Variants in PHLDB2 observed in about 807,000 individuals in gnomAD.
PHLDB2 encodes the protein pleckstrin homology like domain family B member 2.
PHLDB2 carries 71 observed loss-of-function variants against 123.6 expected under a neutral mutation model. That is an observed-to-expected ratio of 0.57 (90% CI 0.47 to 0.70). The LOEUF is 0.70. PHLDB2 is among the 30% of genes least tolerant of loss of function. The probability of loss-of-function intolerance (pLI) is 0.00; values close to 1 mark genes in which losing one functional copy is unlikely to be tolerated. For missense variants in PHLDB2, 1,446 were observed against 1,519.5 expected, an observed-to-expected ratio of 0.95 and a Z score of 0.80; for synonymous variants, 547 against 541.6, an observed-to-expected ratio of 1.01 and a Z score of -0.14.
intron 1 of PHLDB2, among the ~76,000 whole-genome samples, chr3:111,882,926 C>T (rs1263948015): frequency 2.0e-5 from 3 of 152,184 alleles, no homozygotes; most frequent in Non-Finnish European, 4.4e-5. Flanking sequence ...ATAACCTCTT[C>T]CTTAAACTTG....
intron 10 of PHLDB2, among the ~76,000 whole-genome samples, chr3:111,949,392 T>G (rs2070559861): frequency 6.6e-6 from 1 of 152,226 alleles, no homozygotes; most frequent in African/African-American, 2.4e-5. Flanking sequence ...TCTAAAATTG[T>G]TGATTTGAGT....
At chr3:111,751,204 T>C (rs948619831) in intron 1 of PHLDB2, among the ~76,000 whole-genome samples, 8 of 147,344 alleles carry the variant, frequency 5.4e-5, no homozygotes, top group Admixed American at 4.8e-4. Context: ...TGTGTGTGTG[T>C]GTGCAGACAG....
intron 5 of PHLDB2, among the ~76,000 whole-genome samples, chr3:111,924,965 A>G (rs1420982022): frequency 6.6e-6 from 1 of 151,986 alleles, no homozygotes; most frequent in East Asian, 1.9e-4. Flanking sequence ...AGTAGTTGGG[A>G]TTACAGACTC....
At chr3:111,791,882 T>C (rs183607857) in intron 1 of PHLDB2, among the ~76,000 whole-genome samples, 83 of 152,352 alleles carry the variant, frequency 5.4e-4, no homozygotes, top group African/African-American at 1.9e-3. Flanking sequence ...TTGTTAACTA[T>C]AGTCACCCTA....
At chr3:111,961,273 G>A (rs1227282198) in intron 12 of PHLDB2, among the ~76,000 whole-genome samples, 1 of 152,254 alleles carries the variant, frequency 6.6e-6, no homozygotes, top group African/African-American at 2.4e-5. Flanking sequence ...GGAGGTTGCA[G>A]TGAGCTGAGA....
intron 2 of PHLDB2, among the ~76,000 whole-genome samples, chr3:111,886,241 C>T (rs564176879): frequency 8.3e-4 from 127 of 152,296 alleles, no homozygotes; most frequent in Non-Finnish European, 1.2e-3. Context: ...TACAGCAACA[C>T]AGTAGGATTA....
rs564227596 is a variant in PHLDB2 at position 111,806,737 on chromosome 3, C to T, written c.-48-39084C>T. Among the ~76,000 whole-genome samples, 238 of 152,102 alleles carry T rather than the reference C, an allele frequency of 1.6e-3. 2 individuals are homozygous for T. The highest frequency in any genetic ancestry group is 5.0e-3 in the African/African-American group (206 of 41,512). On this transcript the variant is annotated intron_variant, in intron 1 of 17. Transcript: ENST00000393923. Reference sequence around the variant, plus strand: ...CTGACCTCAGGTGATCCGCCTGCCTCGGCCTCCCAGAGTGCTGGGATTACA... The same window carrying T: ...CTGACCTCAGGTGATCCGCCTGCCTTGGCCTCCCAGAGTGCTGGGATTACA...
At chr3:111,814,511 A>T (rs2061982681) in intron 1 of PHLDB2, among the ~76,000 whole-genome samples, 1 of 152,094 alleles carries the variant, frequency 6.6e-6, no homozygotes, top group Non-Finnish European at 1.5e-5. Flanking sequence ...GCAGTTCTTA[A>T]AATAAGATTG....
chr3:111,928,163 TG>T (rs1397796834), intron 5 of PHLDB2, among the ~76,000 whole-genome samples: 3 of 152,248 alleles, frequency 2.0e-5, no homozygotes, highest in African/African-American at 7.2e-5. Flanking sequence ...TCACAGTTTT[TG>T]TTTGGTTTAC....
At chr3:111,822,978 G>C (rs2062478174) in intron 1 of PHLDB2, among the ~76,000 whole-genome samples, 1 of 152,234 alleles carries the variant, frequency 6.6e-6, no homozygotes, top group Non-Finnish European at 1.5e-5. Context: ...GGCATTGGAG[G>C]CACTAGGCAA....
intron 2 of PHLDB2, among the ~76,000 whole-genome samples, chr3:111,852,147 G>A (rs1274303975): frequency 1.3e-5 from 2 of 151,460 alleles, no homozygotes; most frequent in South Asian, 2.1e-4. Flanking sequence ...CATTCCTCAT[G>A]TTCTGAATCC....
chr3:111,837,468 C>CA (rs984556067), intron 1 of PHLDB2, among the ~76,000 whole-genome samples: 6 of 151,816 alleles, frequency 4.0e-5, no homozygotes, highest in Non-Finnish European at 7.4e-5. Context: ...TCTGTTGTGT[C>CA]AAAAAAAGTG....
chr3:111,808,645 T>C (rs916120785), intron 1 of PHLDB2, among the ~76,000 whole-genome samples: 1 of 152,156 alleles, frequency 6.6e-6, no homozygotes, highest in Non-Finnish European at 1.5e-5. Flanking sequence ...AAGCAATACA[T>C]GTATATCTCA....
At position 111,752,465 on chromosome 3, in the gene PHLDB2, T is replaced by C. The variant is rs552302836; in HGVS notation, c.-49+19762T>C. On this transcript the variant is annotated intron_variant, in intron 1 of 17. Coordinates refer to the PHLDB2 transcript ENST00000393923. ...GACATTTTAGTACATGTAGTTTAAA[T>C]GTCAGAATCAGAGTTTACTAAAAAC... Among the ~76,000 whole-genome samples the C allele has an allele frequency of 4.1e-4, 63 of 152,140 alleles. 1 individual carries two copies. The South Asian group carries it at 0.013, about 32-fold the overall frequency.
At chr3:111,964,906 A>C (rs16858950) in intron 13 of PHLDB2, among the ~76,000 whole-genome samples, 25,313 of 152,178 alleles carry the variant, frequency 0.17, 2,444 homozygotes, top group African/African-American at 0.25. Context: ...CCTGAAACTT[A>C]GTGAAATTCA....
chr3:111,797,009 G>A (rs1246245910), intron 1 of PHLDB2, among the ~76,000 whole-genome samples: 2 of 152,068 alleles, frequency 1.3e-5, no homozygotes, highest in East Asian at 3.8e-4. Context: ...CCCTTTTCTA[G>A]CTCAGGATTA....
At chr3:111,784,165 AGAGCC>A (rs2060592336) in intron 1 of PHLDB2, among the ~76,000 whole-genome samples, 1 of 152,224 alleles carries the variant, frequency 6.6e-6, no homozygotes, top group Admixed American at 6.5e-5. Flanking sequence ...AATAAATATC[AGAGCC>A]GAGAATTCCA....
chr3:111,831,092 C>A (rs918834797), intron 1 of PHLDB2, among the ~76,000 whole-genome samples: 7 of 151,512 alleles, frequency 4.6e-5, no homozygotes, highest in African/African-American at 1.7e-4. Flanking sequence ...GAAAGAAAGG[C>A]ATGAGCCATG....
At chr3:111,872,295 C>A (rs184952283) in intron 1 of PHLDB2, among the ~76,000 whole-genome samples, 1 of 152,032 alleles carries the variant, frequency 6.6e-6, no homozygotes, top group Admixed American at 6.6e-5. Flanking sequence ...TTTTTGTTTA[C>A]GTAAAATATA....
Sources: gnomAD v4.1 joint callset for allele counts (sites outside exome capture counted in the v4.1 genomes callset) on GRCh38, gnomAD v4.1.1 for gene constraint, MANE v1.5 for transcripts, NCBI Gene and HGNC (gene_info 2026-07-23, HGNC 2026-07-21) for gene names.